The following C15orf40 variants were observed in gnomAD, a reference collection of about 807,000 sequenced individuals.
C15orf40 encodes the protein UPF0235 protein C15orf40.
A neutral mutation model predicts 13.9 loss-of-function variants in C15orf40; 9 were observed. The ratio of observed to expected loss-of-function variants is 0.65; its 90% CI spans 0.39 to 1.13. The LOEUF is 1.13. C15orf40 is among the 50% of genes most tolerant of loss of function. The probability of loss-of-function intolerance (pLI) is 0.01; values close to 1 mark genes in which losing one functional copy is unlikely to be tolerated. For missense variants in C15orf40, 225 were observed against 188.5 expected (o/e 1.19, Z -1.13); for synonymous variants, 95 against 69.2 (o/e 1.37, Z -1.85).
At chr15:83,010,461 C>G in intron 1 of C15orf40, 98 bp from the exon 2 acceptor site, 1 of 1,432,046 alleles carries the variant, frequency 7.0e-7, no homozygotes, top group Non-Finnish European at 9.7e-7. Flanking sequence ...AACAGACAAA[C>G]TAGGCTCATC....
At position 83,011,547 on chromosome 15, in the gene C15orf40, C is replaced by A. The variant is rs777762884; in HGVS notation, c.61G>T (p.Ala21Ser). 7 of 1,606,496 alleles carry A rather than the reference C, an allele frequency of 4.4e-6. No individual in the cohort carries two copies. The highest frequency in any genetic ancestry group is 2.7e-5 in the African/African-American group (2 of 74,608). Reference sequence around the variant, plus strand: ...GGCATCTCGGCGCAAAGAAGCCGAGCGGAGCCCCGAGTATTGGGTGTTGCC... The same window carrying A: ...GGCATCTCGGCGCAAAGAAGCCGAGAGGAGCCCCGAGTATTGGGTGTTGCC... ...LRATPNTRGS[A>S]RLLCAEMPKK... The change falls in exon 1 of 4, where the codon GCT becomes TCT. Residue 21 changes from alanine to serine, a missense_variant. Coordinates refer to ENST00000304177, the MANE Select transcript of C15orf40 (RefSeq NM_144597.3).
intron 1 of C15orf40, 41 bp from the exon 2 acceptor site, chr15:83,010,404 T>C: frequency 1.2e-6 from 2 of 1,610,650 alleles, no homozygotes; most frequent in Non-Finnish European, 1.7e-6. Context: ...TACAAAATAT[T>C]TTCCCACACA....
In C15orf40 at chr15:83,011,534, C is replaced by T. The variant is rs766972500; in HGVS notation, c.74G>A (p.Cys25Tyr). Reference sequence around the variant, plus strand: ...ACCAGCCTTCTTAGGCATCTCGGCGCAAAGAAGCCGAGCGGAGCCCCGAGT... The same window carrying T: ...ACCAGCCTTCTTAGGCATCTCGGCGTAAAGAAGCCGAGCGGAGCCCCGAGT... ...PNTRGSARLL[C>Y]AEMPKKAGAT... The change falls in exon 1 of 4, where the codon TGC becomes TAC. Residue 25 changes from cysteine to tyrosine, a missense_variant. Coordinates refer to ENST00000304177, the MANE Select transcript of C15orf40 (RefSeq NM_144597.3). The T allele has an allele frequency of 1.1e-5, 17 of 1,607,302 alleles. No individual in the cohort carries two copies. The East Asian group carries it at 1.3e-4, about 13-fold the overall frequency.
At chr15:82,992,724 A>C (rs147669863), downstream of C15orf40, among the ~76,000 whole-genome samples, 114 of 152,342 alleles carry the variant, frequency 7.5e-4, no homozygotes, top group Middle Eastern at 6.8e-3. Flanking sequence ...AACAGTATTT[A>C]AATGTTTTAA....
In C15orf40 at chr15:83,008,540, A is replaced by T; in HGVS notation, c.366+8T>A. ...TCTCAAAAAAAAAAAAAAGAGAGCGAGACCTACCTTATCCAAAACCACATC... is the reference window on the plus strand; with the variant it reads ...TCTCAAAAAAAAAAAAAAGAGAGCGTGACCTACCTTATCCAAAACCACATC... On this transcript the variant is annotated splice_region_variant and intron_variant, in intron 3 of 3. Coordinates refer to ENST00000304177, the MANE Select transcript of C15orf40 (RefSeq NM_144597.3). 1 of 1,611,074 alleles carries T rather than the reference A, an allele frequency of 6.2e-7. No homozygotes were observed. Among genetic ancestry groups the T allele is most frequent in the East Asian group, 2.2e-5 (1 of 44,816 alleles).
chr15:83,001,081 G>A lies in C15orf40; in HGVS notation c.*4516C>T, dbSNP rs897262257. The A allele has an allele frequency of 1.0e-6, 1 of 984,112 alleles. No homozygotes were observed. The highest frequency in any genetic ancestry group is 1.7e-5 in the African/African-American group (1 of 57,236). 61.0% of individuals were successfully genotyped at this position (984,112 alleles called of 1,614,324 possible). A position where few individuals can be genotyped will look rare whatever the true frequency, so the allele number is the denominator to read the frequency against. Reference sequence around the variant, plus strand: ...ACCCGCCTCAGCCTCCCAAAGTGCTGGGATTACAGGCATAAGCCACTGCAC... The same window carrying A: ...ACCCGCCTCAGCCTCCCAAAGTGCTAGGATTACAGGCATAAGCCACTGCAC... On this transcript the variant is annotated 3_prime_UTR_variant, in exon 4 of 4. Transcript: ENST00000304177.
chr15:82,997,268 C>T lies in C15orf40; in HGVS notation c.*8329G>A, dbSNP rs1596400817. On this transcript the variant is annotated 3_prime_UTR_variant, in exon 4 of 4. Coordinates refer to ENST00000304177, the MANE Select transcript of C15orf40 (RefSeq NM_144597.3). ...ATTGATAATTCTTGGGTGTTTCTCACAGAGGGGGATTTGGCAGGGAAGGTC... is the reference window on the plus strand; with the variant it reads ...ATTGATAATTCTTGGGTGTTTCTCATAGAGGGGGATTTGGCAGGGAAGGTC... The T allele has an allele frequency of 6.9e-6, 1 of 144,078 alleles. No homozygotes were observed. The highest frequency in any genetic ancestry group is 1.5e-5 in the Non-Finnish European group (1 of 66,644). The allele number at this position is 144,078 out of a possible 1,614,324, so 8.9% of individuals were successfully genotyped here. A position where few individuals can be genotyped will look rare whatever the true frequency, so the allele number is the denominator to read the frequency against.
At position 83,001,338 on chromosome 15, in the gene C15orf40, T is replaced by C. The variant is rs1460158947; in HGVS notation, c.*4259A>G. On this transcript the variant is annotated 3_prime_UTR_variant, in exon 4 of 4. Coordinates refer to ENST00000304177, the MANE Select transcript of C15orf40 (RefSeq NM_144597.3). The stretch of plus-strand genomic sequence containing the variant: ...AGTAAGCAACCAAGTTAATAAGTGA[T>C]TAATACATCATGTTTGCACAAGTAA... 1.8e-5 allele frequency: 17 copies of C among 967,756 alleles called. No individual in the cohort carries two copies. The highest frequency in any genetic ancestry group is 2.0e-5 in the Non-Finnish European group (16 of 813,940). 59.9% of individuals were successfully genotyped at this position (967,756 alleles called of 1,614,324 possible).
chr15:82,991,604 C>G (rs907612225), downstream of C15orf40, among the ~76,000 whole-genome samples: 5 of 152,146 alleles, frequency 3.3e-5, no homozygotes, highest in African/African-American at 1.2e-4. Context: ...CTTAGCACCC[C>G]ACTCTAGGCC....
downstream of C15orf40, among the ~76,000 whole-genome samples, chr15:82,993,628 A>G (rs113511903): frequency 0.011 from 1,682 of 152,244 alleles, 37 homozygotes; most frequent in African/African-American, 0.039. Context: ...CCTAGCCAAC[A>G]TGGCAAAAAC....
Position 82,995,715 on chromosome 15 carries a change from G to C in C15orf40, c.*9882C>G, listed in dbSNP as rs1183342182. The C allele has an allele frequency of 6.6e-6, 1 of 152,534 alleles. No individual in the cohort carries two copies. The highest frequency in any genetic ancestry group is 6.5e-5 in the Admixed American group (1 of 15,288). The allele number at this position is 152,534 out of a possible 1,614,324, so 9.4% of individuals were successfully genotyped here. ...CAGGAGAATCGCTTGAACCCAGGAGGCGGAGGTTGCAGTGAGCCAAGATTG... is the reference window on the plus strand; with the variant it reads ...CAGGAGAATCGCTTGAACCCAGGAGCCGGAGGTTGCAGTGAGCCAAGATTG... On this transcript the variant is annotated 3_prime_UTR_variant, in exon 4 of 4. Transcript: ENST00000304177.
At chr15:82,990,104 C>G, downstream of C15orf40, 1 of 996,484 alleles carries the variant, frequency 1.0e-6, no homozygotes, top group Non-Finnish European at 1.4e-6. Flanking sequence ...AGCATTTACT[C>G]TGTTACCATG....
chr15:82,993,291 A>C (rs1480604207), downstream of C15orf40, among the ~76,000 whole-genome samples: 1 of 152,228 alleles, frequency 6.6e-6, no homozygotes, highest in African/African-American at 2.4e-5. Context: ...CATTTGTTGA[A>C]TCAACGGGAG....
Position 83,004,851 on chromosome 15 carries a change from A to G in C15orf40, c.*746T>C. 1 of 1,291,768 alleles carries G rather than the reference A, an allele frequency of 7.7e-7. No individual in the cohort carries two copies. The highest frequency in any genetic ancestry group is 1.0e-6 in the Non-Finnish European group (1 of 980,964). The allele number at this position is 1,291,768 out of a possible 1,614,324, so 80.0% of individuals were successfully genotyped here. A position where few individuals can be genotyped will look rare whatever the true frequency, so the allele number is the denominator to read the frequency against. On this transcript the variant is annotated 3_prime_UTR_variant, in exon 4 of 4. Coordinates refer to ENST00000304177, the MANE Select transcript of C15orf40 (RefSeq NM_144597.3). ...AGAAGGCAATCCCCAGAATTCCAGA[A>G]CCGTTGTGGAGATATGATTTTTAAT...
rs2031521240 is a variant in C15orf40 at position 83,003,630 on chromosome 15, A to C, written c.*1967T>G. ...AGACAAAGCAGCTGGGCTTAAACCA[A>C]GCTCTGCCATTAATGTGCACTGTGA... On this transcript the variant is annotated 3_prime_UTR_variant, in exon 4 of 4. Coordinates refer to ENST00000304177, the MANE Select transcript of C15orf40 (RefSeq NM_144597.3). The C allele has an allele frequency of 6.6e-6, 1 of 152,204 alleles. No individual in the cohort carries two copies. The highest frequency in any genetic ancestry group is 1.9e-4 in the East Asian group (1 of 5,202). The allele number at this position is 152,204 out of a possible 1,614,324, so 9.4% of individuals were successfully genotyped here. A position where few individuals can be genotyped will look rare whatever the true frequency, so the allele number is the denominator to read the frequency against.
chr15:82,992,380 G>A (rs1337671574), downstream of C15orf40, among the ~76,000 whole-genome samples: 1 of 152,158 alleles, frequency 6.6e-6, no homozygotes, highest in African/African-American at 2.4e-5. Flanking sequence ...GCCAGGCATG[G>A]TGGCGGATGC....
downstream of C15orf40, chr15:82,990,200 T>C: frequency 5.3e-6 from 2 of 374,338 alleles, no homozygotes; most frequent in Non-Finnish European, 8.6e-6. Flanking sequence ...GTTGAGACTT[T>C]AAAAAAAATA....
downstream of C15orf40, chr15:82,988,974 AT>A (rs551439689): frequency 2.3e-5 from 35 of 1,532,904 alleles, no homozygotes; most frequent in East Asian, 6.0e-4. Context: ...TAATTTTTAA[AT>A]TTTTTTTAAT....
intron 3 of C15orf40, among the ~76,000 whole-genome samples, chr15:83,007,561 A>G (rs2031755235): frequency 6.6e-6 from 1 of 152,202 alleles, no homozygotes; most frequent in Non-Finnish European, 1.5e-5. Flanking sequence ...AAAGACAAAG[A>G]AAAATCAGTA....
Sources: allele counts gnomAD v4.1 joint callset (sites outside exome capture counted in the v4.1 genomes callset), GRCh38; gene constraint gnomAD v4.1.1; transcripts MANE v1.5; gene names NCBI Gene and HGNC (gene_info 2026-07-23, HGNC 2026-07-21).